Variants in SUMF1 observed in about 807,000 individuals in gnomAD.
SUMF1 encodes the protein formylglycine-generating enzyme.
A neutral mutation model predicts 47.6 loss-of-function variants in SUMF1; 48 were observed. The observed-to-expected ratio is 1.01, with a 90% CI of 0.80 to 1.28. The LOEUF (loss-of-function observed/expected upper bound fraction) is 1.28, where lower values mean the gene tolerates loss of function less well. SUMF1 is among the 50% of genes most tolerant of loss of function. The pLI is 0.00. For synonymous variants in SUMF1, 230 were observed against 192.1 expected, an observed-to-expected ratio of 1.20 and a Z score of -1.63; for missense variants, 571 against 485.4, an observed-to-expected ratio of 1.18 and a Z score of -1.66.
chr3:4,192,527 TA>T (rs1027502179), intron 8 of SUMF1, among the ~76,000 whole-genome samples: 1 of 152,122 alleles, frequency 6.6e-6, no homozygotes, highest in Admixed American at 6.6e-5. Flanking sequence ...GAGGCCACCT[TA>T]AAAAAATACA....
intron 8 of SUMF1, among the ~76,000 whole-genome samples, chr3:4,242,234 G>A (rs769746056): frequency 3.3e-5 from 5 of 152,120 alleles, no homozygotes; most frequent in Non-Finnish European, 7.4e-5. Context: ...GGGACAATTT[G>A]ACTTCCTCTT....
Position 4,309,841 on chromosome 3 carries a change from C to A in SUMF1, c.1014+66489G>T, listed in dbSNP as rs544146069. ...CCCACTTTACATTAGCTTTCAGATACAATTATACTTCAGATACAGTTATTA... is the reference window on the plus strand; with the variant it reads ...CCCACTTTACATTAGCTTTCAGATAAAATTATACTTCAGATACAGTTATTA... On this transcript the variant is annotated intron_variant and NMD_transcript_variant, in intron 8 of 12. Coordinates refer to the SUMF1 transcript ENST00000448413. Among the ~76,000 whole-genome samples the A allele has an allele frequency of 3.9e-5, 6 of 152,302 alleles. No homozygotes were observed. In the South Asian group the frequency reaches 6.2e-4, roughly 16 times the overall value.
intron 3 of SUMF1, among the ~76,000 whole-genome samples, chr3:4,444,446 C>A (rs918507183): frequency 6.6e-6 from 1 of 152,070 alleles, no homozygotes; most frequent in Non-Finnish European, 1.5e-5. Context: ...CTATAATGGA[C>A]ATATGTTTCA....
rs560589239 is a variant in SUMF1 at position 4,135,602 on chromosome 3, A to G, written c.1015-66857T>C. On this transcript the variant is annotated intron_variant and NMD_transcript_variant, in intron 8 of 12. Coordinates refer to the SUMF1 transcript ENST00000448413. ...CCTCTGTCACCACTCCGATTCCAAC[A>G]TAGTGTTGGAAGTTCTGGCCAGGGC... 1.5e-3 allele frequency among the ~76,000 whole-genome samples: 234 copies of G among 152,300 alleles called. No individual in the cohort carries two copies. The Middle Eastern group carries it at 0.024, about 15-fold the overall frequency.
downstream of SUMF1, among the ~76,000 whole-genome samples, chr3:4,360,004 T>C (rs1267085899): frequency 6.6e-6 from 1 of 152,010 alleles, no homozygotes; most frequent in Non-Finnish European, 1.5e-5. Context: ...TTCTAAAAAG[T>C]ACACCCAAAA....
chr3:4,199,215 C>A (rs1340823119), intron 8 of SUMF1, among the ~76,000 whole-genome samples: 1 of 152,096 alleles, frequency 6.6e-6, no homozygotes, highest in Non-Finnish European at 1.5e-5. Context: ...TCTGTCTTTT[C>A]CAGAAATTTT....
intron 8 of SUMF1, among the ~76,000 whole-genome samples, chr3:4,186,050 A>G (rs1253781751): frequency 6.6e-6 from 1 of 152,138 alleles, no homozygotes; most frequent in Non-Finnish European, 1.5e-5. Context: ...AAGATGACCA[A>G]TTGTGTTTCT....
At chr3:4,080,148 T>C (rs1374696690) in intron 8 of SUMF1, among the ~76,000 whole-genome samples, 2 of 152,150 alleles carry the variant, frequency 1.3e-5, no homozygotes, top group South Asian at 4.2e-4. Context: ...ACTTCCAGTT[T>C]TGACAGTTTC....
chr3:4,301,466 T>C (rs1448472308), intron 8 of SUMF1, among the ~76,000 whole-genome samples: 2 of 152,206 alleles, frequency 1.3e-5, no homozygotes, highest in Non-Finnish European at 2.9e-5. Context: ...AAGGTCATTG[T>C]AGCAGCGGCA....
At chr3:4,048,885 G>A (rs575555430) in intron 9 of SUMF1, among the ~76,000 whole-genome samples, 19 of 152,148 alleles carry the variant, frequency 1.2e-4, no homozygotes, top group African/African-American at 4.6e-4. Context: ...CACTTCATAG[G>A]AACTCAATAA....
At chr3:4,231,517 G>A (rs565186098) in intron 8 of SUMF1, among the ~76,000 whole-genome samples, 1 of 152,156 alleles carries the variant, frequency 6.6e-6, no homozygotes, top group Non-Finnish European at 1.5e-5. Flanking sequence ...TAATCTGTAA[G>A]AAATGAAACT....
chr3:4,318,782 C>T (rs1311163035), intron 8 of SUMF1, among the ~76,000 whole-genome samples: 10 of 152,150 alleles, frequency 6.6e-5, no homozygotes, highest in Non-Finnish European at 1.3e-4. Flanking sequence ...GTGGCACACA[C>T]CTGTAATCCC....
chr3:4,193,507 G>C (rs1019831618), intron 8 of SUMF1, among the ~76,000 whole-genome samples: 1 of 152,112 alleles, frequency 6.6e-6, no homozygotes, highest in Non-Finnish European at 1.5e-5. Context: ...TCTTTTGTGG[G>C]AGACTGTGCC....
chr3:4,456,852 GTATATATA>G (rs1242749966), intron 1 of SUMF1, among the ~76,000 whole-genome samples: 5 of 94,890 alleles, frequency 5.3e-5, no homozygotes, highest in African/African-American at 1.4e-4. Context: ...ATACGTGTGT[GTATATATA>G]TGTGTGTGTA....
Position 4,073,220 on chromosome 3 carries a change from A to G in SUMF1, c.1015-4475T>C, listed in dbSNP as rs567106971. 6.6e-5 allele frequency among the ~76,000 whole-genome samples: 10 copies of G among 152,322 alleles called. No individual in the cohort carries two copies. The South Asian group carries it at 2.1e-3, about 32-fold the overall frequency. On this transcript the variant is annotated intron_variant and NMD_transcript_variant, in intron 8 of 12. Transcript: ENST00000448413. Reference sequence around the variant, plus strand: ...AAAAGAATTTTCAACCCAGAATTTCATATCCAGCCAAACTAAGATTCATAA... The same window carrying G: ...AAAAGAATTTTCAACCCAGAATTTCGTATCCAGCCAAACTAAGATTCATAA...
At chr3:4,069,638 G>A (rs772670964) in intron 8 of SUMF1, among the ~76,000 whole-genome samples, 3 of 152,102 alleles carry the variant, frequency 2.0e-5, no homozygotes, top group Non-Finnish European at 4.4e-5. Flanking sequence ...AATATAACTT[G>A]AGAACTAAGC....
intron 8 of SUMF1, among the ~76,000 whole-genome samples, chr3:4,139,896 A>C (rs764463376): frequency 8.6e-5 from 13 of 152,020 alleles, no homozygotes; most frequent in African/African-American, 1.9e-4. Context: ...GGGCTATTTG[A>C]ACACATGCTC....
At chr3:4,289,560 T>C (rs1002882853) in intron 8 of SUMF1, among the ~76,000 whole-genome samples, 2 of 152,194 alleles carry the variant, frequency 1.3e-5, no homozygotes, top group Non-Finnish European at 2.9e-5. Flanking sequence ...AGCAAGTATA[T>C]ATCTTAATTA....
At chr3:4,264,814 T>G (rs1051078420) in intron 8 of SUMF1, among the ~76,000 whole-genome samples, 12 of 152,282 alleles carry the variant, frequency 7.9e-5, no homozygotes, top group Middle Eastern at 6.8e-3. Flanking sequence ...CTAACAAGTC[T>G]GACCCCAACT....
Sources: allele counts gnomAD v4.1 joint callset (sites outside exome capture counted in the v4.1 genomes callset), GRCh38; gene constraint gnomAD v4.1.1; transcripts MANE v1.5; gene names NCBI Gene and HGNC (gene_info 2026-07-23, HGNC 2026-07-21).